The following TF variants were observed in gnomAD, a reference collection of about 807,000 sequenced individuals.
TF encodes transferrin.
Under a neutral mutation model 82.4 loss-of-function variants are expected in TF, and 55 were observed. That is an observed-to-expected ratio of 0.67 (90% CI 0.54 to 0.84). The LOEUF (loss-of-function observed/expected upper bound fraction) is 0.84, where lower values mean the gene tolerates loss of function less well. TF is among the 40% of genes least tolerant of loss of function. TF has a pLI of 0.00. For missense variants in TF, 737 were observed against 868.4 expected, an observed-to-expected ratio of 0.85 and a Z score of 1.90; for synonymous variants, 332 against 332.6, an observed-to-expected ratio of 1.00 and a Z score of 0.02.
the TF span, among the ~76,000 whole-genome samples, chr3:133,664,455 T>A: frequency 2.0e-5 from 3 of 152,164 alleles, no homozygotes; most frequent in Non-Finnish European, 4.4e-5. Flanking sequence ...CCCAAGTAGC[T>A]GGGGTTACAG....
the TF span, among the ~76,000 whole-genome samples, chr3:133,687,398 A>G: frequency 6.6e-6 from 1 of 152,212 alleles, no homozygotes; most frequent in Non-Finnish European, 1.5e-5. Flanking sequence ...GAGGGTAGGA[A>G]GCTTTCTTTT....
At chr3:133,775,701 T>A in intron 15 of TF, 84 bp downstream of exon 15, 1 of 1,387,858 alleles carries the variant, frequency 7.2e-7, no homozygotes, top group South Asian at 1.2e-5. Context: ...AGTGCAGCCA[T>A]GACTCCAGCA....
In TF at chr3:133,753,639, T is replaced by C; in HGVS notation, c.261T>C (p.Tyr87=). 1 of 1,614,212 alleles carries C rather than the reference T, an allele frequency of 6.2e-7. No homozygotes were observed. Among genetic ancestry groups the C allele is most frequent in the Admixed American group, 1.7e-5 (1 of 60,024 alleles). Residue 87 remains tyrosine (Y), a synonymous_variant, in exon 3 of 17, where the codon TAT becomes TAC. Coordinates refer to ENST00000402696, the MANE Select transcript of TF (RefSeq NM_001063.4). The part of the protein sequence containing the change: ...DAVTLDAGLV[Y]DAYLAPNNLK... Reference sequence around the variant, plus strand: ...TGACACTGGATGCAGGTTTGGTGTATGATGCTTACCTGGCTCCCAATAACC... The same window carrying C: ...TGACACTGGATGCAGGTTTGGTGTACGATGCTTACCTGGCTCCCAATAACC...
Position 133,766,359 on chromosome 3 carries a change from C to A in TF, c.1412C>A (p.Thr471Lys). 6.2e-7 allele frequency: 1 copy of A among 1,614,176 alleles called. No individual in the cohort carries two copies. Among genetic ancestry groups the A allele is most frequent in the Non-Finnish European group, 8.5e-7 (1 of 1,180,006 alleles). ...DNLKGKKSCHTAVGRTAGWNI... is the reference protein window; with the variant it reads ...DNLKGKKSCHKAVGRTAGWNI... ...CTGAAAGGCAAGAAGTCCTGCCATACGGCAGTTGGCAGAACCGCTGGCTGG... is the reference window on the plus strand; with the variant it reads ...CTGAAAGGCAAGAAGTCCTGCCATAAGGCAGTTGGCAGAACCGCTGGCTGG... Residue 471 changes from threonine (T) to lysine (K), a missense_variant, in exon 12 of 17, where the codon ACG (threonine) becomes AAG (lysine). Coordinates refer to ENST00000402696, the MANE Select transcript of TF (RefSeq NM_001063.4).
intron 4 of TF, 152 bp downstream of exon 4, chr3:133,754,823 C>CTGGTGCAGCAG: frequency 8.0e-6 from 7 of 878,650 alleles, no homozygotes; most frequent in Non-Finnish European, 9.4e-6. Flanking sequence ...AGGTCTGCTG[C>CTGGTGCAGCAG]ACCAGCAGCA....
chr3:133,662,742 T>A, the TF span, among the ~76,000 whole-genome samples: 2 of 152,198 alleles, frequency 1.3e-5, no homozygotes, highest in Non-Finnish European at 2.9e-5. Context: ...TATTCTTTTT[T>A]AAAAAAATTT....
chr3:133,748,299 T>A, intron 1 of TF, 113 bp from the exon 2 acceptor site: 1 of 1,274,786 alleles, frequency 7.8e-7, no homozygotes, highest in African/African-American at 1.5e-5. Flanking sequence ...TGGACAGGAG[T>A]GAGAGGAGGA....
intron 15 of TF, 142 bp downstream of exon 15, chr3:133,775,759 T>G: frequency 4.7e-6 from 4 of 857,792 alleles, no homozygotes; most frequent in Non-Finnish European, 5.6e-6. Flanking sequence ...TTTCATGCCA[T>G]GCATTGTGGA....
the TF span, among the ~76,000 whole-genome samples, chr3:133,702,454 A>G: frequency 6.6e-6 from 1 of 152,036 alleles, no homozygotes; most frequent in Non-Finnish European, 1.5e-5. Flanking sequence ...TGGTTATAAA[A>G]TATTACAATA....
Position 133,778,734 on chromosome 3 carries a change from C to T in TF, c.*114C>T. The T allele has an allele frequency of 9.6e-7, 1 of 1,042,818 alleles. No individual in the cohort carries two copies. The allele number at this position is 1,042,818 out of a possible 1,614,324, so 64.6% of individuals were successfully genotyped here. On this transcript the variant is annotated 3_prime_UTR_variant, in exon 17 of 17. Coordinates refer to ENST00000402696, the MANE Select transcript of TF (RefSeq NM_001063.4). ...GTGCTAACCACGTCTGTCTTCACAG[C>T]TCTGTGTTGCCATGTGTGCTGAACA...
the TF span, among the ~76,000 whole-genome samples, chr3:133,716,817 T>G: frequency 7.2e-5 from 11 of 152,198 alleles, no homozygotes; most frequent in East Asian, 1.9e-3. Flanking sequence ...TGCAACCTCA[T>G]CTACTTCTTT....
At chr3:133,732,587 C>A in the TF span, among the ~76,000 whole-genome samples, 6 of 152,224 alleles carry the variant, frequency 3.9e-5, no homozygotes, top group Non-Finnish European at 8.8e-5. Context: ...CTGCTGCGCA[C>A]TGTTTGGGTC....
the TF span, among the ~76,000 whole-genome samples, chr3:133,738,150 G>T: frequency 6.6e-6 from 1 of 152,182 alleles, no homozygotes; most frequent in African/African-American, 2.4e-5. Flanking sequence ...ATGCAAGACT[G>T]GTTCAACATA....
chr3:133,764,754 G>T, intron 10 of TF, 121 bp from the exon 11 acceptor site: 1 of 929,456 alleles, frequency 1.1e-6, no homozygotes, highest in Non-Finnish European at 1.7e-6. Flanking sequence ...GGGAATTGAT[G>T]ACATGTATAG....
chr3:133,724,408 G>C, the TF span, among the ~76,000 whole-genome samples: 1 of 152,216 alleles, frequency 6.6e-6, no homozygotes, highest in Admixed American at 6.5e-5. Flanking sequence ...GATGGCCAGT[G>C]ATGATGAGCA....
chr3:133,742,630 G>T (rs910991386), upstream of TF, among the ~76,000 whole-genome samples: 1 of 152,294 alleles, frequency 6.6e-6, no homozygotes. Context: ...TTCTCAGGCT[G>T]CCAGGCTGCT....
upstream of TF, among the ~76,000 whole-genome samples, chr3:133,742,009 G>T (rs915711836): frequency 1.8e-4 from 27 of 152,084 alleles, no homozygotes; most frequent in Admixed American, 3.9e-4. Flanking sequence ...TTAGAGACAG[G>T]GTCTCACTTT....
chr3:133,742,818 C>A (rs1411985851), upstream of TF, among the ~76,000 whole-genome samples: 1 of 152,186 alleles, frequency 6.6e-6, no homozygotes, highest in Non-Finnish European at 1.5e-5. Flanking sequence ...TGCTTTCTTA[C>A]CCACCTCCTG....
At chr3:133,667,865 T>G in the TF span, among the ~76,000 whole-genome samples, 1 of 152,200 alleles carries the variant, frequency 6.6e-6, no homozygotes. Context: ...TGATGAGATA[T>G]GGGGCTTTCT....
Sources: gnomAD v4.1 joint callset for allele counts (sites outside exome capture counted in the v4.1 genomes callset) on GRCh38, gnomAD v4.1.1 for gene constraint, MANE v1.5 for transcripts, NCBI Gene and HGNC (gene_info 2026-07-23, HGNC 2026-07-21) for gene names.